Variants in LYN observed in about 807,000 individuals in gnomAD.
The protein encoded by LYN is tyrosine-protein kinase Lyn.
LYN carries 12 observed loss-of-function variants against 65.0 expected under a neutral mutation model. That is an observed-to-expected ratio of 0.18 (90% CI 0.12 to 0.30). The LOEUF (loss-of-function observed/expected upper bound fraction) is 0.30, where lower values mean the gene tolerates loss of function less well. Ranked by LOEUF, LYN falls within the 10% of genes least tolerant of loss-of-function variation. The pLI, the probability that LYN is intolerant of heterozygous loss-of-function variation, is 1.00. For missense variants in LYN, 380 were observed against 623.2 expected (o/e 0.61, Z 4.16); for synonymous variants, 222 against 221.2 (o/e 1.00, Z -0.03).
At chr8:55,957,668 C>T (rs1807159292) in intron 8 of LYN, among the ~76,000 whole-genome samples, 1 of 152,148 alleles carries the variant, frequency 6.6e-6, no homozygotes, top group African/African-American at 2.4e-5. Context: ...GTTGGCAGGG[C>T]ACGGTGGCTC....
At chr8:55,925,783 G>A (rs1299433074) in intron 1 of LYN, among the ~76,000 whole-genome samples, 2 of 152,098 alleles carry the variant, frequency 1.3e-5, no homozygotes, top group Non-Finnish European at 2.9e-5. Context: ...TAAGTGTCTT[G>A]CTGTGTTTGA....
chr8:55,958,734 T>G (rs929062028), intron 8 of LYN, among the ~76,000 whole-genome samples: 1 of 152,268 alleles, frequency 6.6e-6, no homozygotes, highest in Non-Finnish European at 1.5e-5. Context: ...TGTCTCTGGC[T>G]TACTTCACTT....
chr8:56,002,823 G>C (rs1237122398), intron 12 of LYN, among the ~76,000 whole-genome samples: 2 of 151,934 alleles, frequency 1.3e-5, no homozygotes, highest in Non-Finnish European at 2.9e-5. Context: ...AAATTTTTTA[G>C]TCACGAGAGT....
In LYN at chr8:56,010,376, C is replaced by T. The variant is rs1285173231; in HGVS notation, c.*266C>T. The T allele has an allele frequency of 2.2e-6, 1 of 446,882 alleles. No homozygotes were observed. Among genetic ancestry groups the T allele is most frequent in the East Asian group, 3.8e-5 (1 of 26,190 alleles). The allele number at this position is 446,882 out of a possible 1,614,324, so 27.7% of individuals were successfully genotyped here. On this transcript the variant is annotated 3_prime_UTR_variant, in exon 13 of 13. Transcript: ENST00000519728. ...CTGCTTGACAACATCTGAGTGCAGC[C>T]GTTTGAGAAGAAAACATCTATTCTC...
At chr8:55,972,540 C>T (rs1807638596) in intron 10 of LYN, among the ~76,000 whole-genome samples, 1 of 152,178 alleles carries the variant, frequency 6.6e-6, no homozygotes, top group African/African-American at 2.4e-5. Flanking sequence ...CCCTCGTCCG[C>T]CTGGGATGCC....
At chr8:55,914,911 C>G (rs1029944891) in intron 1 of LYN, among the ~76,000 whole-genome samples, 1 of 152,146 alleles carries the variant, frequency 6.6e-6, no homozygotes, top group Non-Finnish European at 1.5e-5. Context: ...AGGGACAACT[C>G]AACTTGAAAT....
chr8:55,890,345 G>C (rs964483496), intron 1 of LYN, among the ~76,000 whole-genome samples: 2 of 151,932 alleles, frequency 1.3e-5, no homozygotes, highest in African/African-American at 4.8e-5. Context: ...AAAGAAAGTT[G>C]CTTAGGATGG....
chr8:55,990,806 T>C (rs528535559), intron 10 of LYN, among the ~76,000 whole-genome samples: 2 of 152,312 alleles, frequency 1.3e-5, no homozygotes, highest in African/African-American at 4.8e-5. Context: ...TTTTCAGGTT[T>C]CTTTGAAATC....
intron 11 of LYN, 90 bp downstream of exon 11, chr8:55,998,589 A>T (rs1808438262): frequency 1.6e-6 from 2 of 1,244,178 alleles, no homozygotes; most frequent in Non-Finnish European, 2.3e-6. Context: ...AATAGTCACC[A>T]TTAAGAAAAA....
chr8:55,961,099 A>G (rs1227223291), intron 8 of LYN, among the ~76,000 whole-genome samples: 8 of 152,166 alleles, frequency 5.3e-5, no homozygotes, highest in Non-Finnish European at 1.2e-4. Context: ...ATTTGAGCCA[A>G]CTGCCTTGAG....
At position 55,950,622 on chromosome 8, in the gene LYN, C is replaced by T. The variant is rs1806914253; in HGVS notation, c.384-59C>T. 3.8e-6 allele frequency: 6 copies of T among 1,572,102 alleles called. No individual in the cohort carries two copies. In the South Asian group the frequency reaches 5.5e-5, roughly 15 times the overall value. On this transcript the variant is annotated intron_variant, in intron 5 of 12. Transcript: ENST00000519728. The stretch of plus-strand genomic sequence containing the variant: ...CCACATTGGATTTCTTGTTAATATT[C>T]TTCACCTTTTTCTTGCCGTGGAACA...
rs1156481707 is a variant in LYN at position 56,010,158 on chromosome 8, A to C, written c.*48A>C. 1 of 1,579,120 alleles carries C rather than the reference A, an allele frequency of 6.3e-7. No homozygotes were observed. Among genetic ancestry groups the C allele is most frequent in the East Asian group, 2.2e-5 (1 of 44,666 alleles). On this transcript the variant is annotated 3_prime_UTR_variant, in exon 13 of 13. Coordinates refer to ENST00000519728, the MANE Select transcript of LYN (RefSeq NM_002350.4). Reference sequence around the variant, plus strand: ...TGGCAGGGGTGGCTGCCTCATTTAGAGAGGAAAAGTAACCATCACTGGTTG... The same window carrying C: ...TGGCAGGGGTGGCTGCCTCATTTAGCGAGGAAAAGTAACCATCACTGGTTG...
At chr8:55,998,588 C>T (rs1033059976) in intron 11 of LYN, 89 bp downstream of exon 11, 2 of 1,265,262 alleles carry the variant, frequency 1.6e-6, no homozygotes, top group Non-Finnish European at 2.3e-6. Context: ...CAATAGTCAC[C>T]ATTAAGAAAA....
chr8:55,943,575 CAAAAAAAAAA>C (rs71555625), intron 2 of LYN, among the ~76,000 whole-genome samples: 1 of 77,900 alleles, frequency 1.3e-5, no homozygotes, highest in Admixed American at 1.4e-4. Flanking sequence ...GACTCTGTCT[CAAAAAAAAAA>C]AAAAAAAAAG....
rs985029693 is a variant in LYN at position 55,950,933 on chromosome 8, T to C, written c.487+149T>C. 1.9e-5 allele frequency: 12 copies of C among 627,778 alleles called. No individual in the cohort carries two copies. The Admixed American group carries it at 2.3e-4, about 12-fold the overall frequency. 38.9% of individuals were successfully genotyped at this position (627,778 alleles called of 1,614,324 possible). A position where few individuals can be genotyped will look rare whatever the true frequency, so the allele number is the denominator to read the frequency against. On this transcript the variant is annotated intron_variant, in intron 6 of 12. Coordinates refer to ENST00000519728, the MANE Select transcript of LYN (RefSeq NM_002350.4). ...TTTGATAACAAATAACAAACCTCAG[T>C]GATTAGTTGTGCTACTAAAAGTAAT...
At chr8:55,945,955 G>T (rs1563522925) in intron 2 of LYN, among the ~76,000 whole-genome samples, 2 of 152,186 alleles carry the variant, frequency 1.3e-5, no homozygotes, top group Non-Finnish European at 2.9e-5. Flanking sequence ...TCCTGCTGCC[G>T]CTGGTGTTTG....
chr8:55,970,725 G>A (rs1807587598), intron 10 of LYN, among the ~76,000 whole-genome samples: 1 of 152,022 alleles, frequency 6.6e-6, no homozygotes, highest in African/African-American at 2.4e-5. Context: ...CTAAGGTAGG[G>A]CTGGACACAG....
chr8:55,913,177 C>A (rs1335210118), intron 1 of LYN, among the ~76,000 whole-genome samples: 1 of 152,120 alleles, frequency 6.6e-6, no homozygotes, highest in Non-Finnish European at 1.5e-5. Context: ...TTTCCCTGGG[C>A]CCCTCTGTTA....
chr8:55,949,733 C>T (rs1290771909), intron 4 of LYN, among the ~76,000 whole-genome samples: 2 of 152,110 alleles, frequency 1.3e-5, no homozygotes, highest in Non-Finnish European at 2.9e-5. Flanking sequence ...GGCTTCTTTT[C>T]TTTGTCTCTC....
Sources: gnomAD v4.1 joint callset for allele counts (sites outside exome capture counted in the v4.1 genomes callset) on GRCh38, gnomAD v4.1.1 for gene constraint, MANE v1.5 for transcripts, NCBI Gene and HGNC (gene_info 2026-07-23, HGNC 2026-07-21) for gene names.